Variants in RIF1 observed in about 807,000 individuals in gnomAD.
RIF1 encodes the protein replication timing regulatory factor 1.
In RIF1, 45 loss-of-function variants were observed where a neutral mutation model predicts 247.1. That is an observed-to-expected ratio of 0.18 (90% confidence interval 0.14 to 0.23). The LOEUF (loss-of-function observed/expected upper bound fraction) is 0.23. Among genes scored for constraint, RIF1 ranks in the 10% least tolerant of loss-of-function variants. The pLI is 1.00. For synonymous variants in RIF1, 1,087 were observed against 978.8 expected (o/e 1.11, Z -2.06); for missense variants, 2,967 against 2,862.5 (o/e 1.04, Z -0.83).
At chr2:151,452,725 G>A (rs1694529489) in intron 21 of RIF1, among the ~76,000 whole-genome samples, 1 of 152,180 alleles carries the variant, frequency 6.6e-6, no homozygotes, top group Non-Finnish European at 1.5e-5. Context: ...AAAATCATAA[G>A]TTTACCAAGA....
chr2:151,501,565 G>T (rs2064587586), intron 11 of RIF1: 1 of 694,942 alleles, frequency 1.4e-6, no homozygotes, highest in Non-Finnish European at 2.2e-6. Flanking sequence ...CAGCCTAAAA[G>T]AAGTATTTTT....
rs1691333265 is a variant in RIF1, at chr2:151,436,869, A to G, written c.1238A>G (p.Asn413Ser). The G allele has an allele frequency of 1.2e-6, 2 of 1,613,198 alleles. No homozygotes were observed. Among genetic ancestry groups the G allele is most frequent in the African/African-American group, 1.3e-5 (1 of 74,950 alleles). ...PYGAPGTPRM[N>S]LSSNLGGMAT... Reference sequence around the variant, plus strand: ...GGAGCCCCGGGAACTCCCCGAATGAACCTGAGTTCGAATTTAGGTGGAATG... The same window carrying G: ...GGAGCCCCGGGAACTCCCCGAATGAGCCTGAGTTCGAATTTAGGTGGAATG... The change falls in exon 12 of 36, where the codon AAC becomes AGC. Residue 413 changes from asparagine to serine, a missense_variant. Coordinates refer to ENST00000444746, the MANE Select transcript of RIF1 (RefSeq NM_018151.5).
chr2:151,427,575 T>C (rs1268714621), intron 8 of RIF1, among the ~76,000 whole-genome samples: 1 of 151,904 alleles, frequency 6.6e-6, no homozygotes, highest in Non-Finnish European at 1.5e-5. Flanking sequence ...TCTTTTTGTT[T>C]GATAGTATTC....
chr2:151,491,286 G>A (rs903207407), intron 9 of RIF1: 2 of 165,182 alleles, frequency 1.2e-5, no homozygotes, highest in African/African-American at 2.4e-5. Flanking sequence ...GAATGAAGTT[G>A]TGCAGCCTGC....
At chr2:151,444,559 A>G (rs1432999320) in intron 18 of RIF1, among the ~76,000 whole-genome samples, 2 of 152,132 alleles carry the variant, frequency 1.3e-5, no homozygotes, top group East Asian at 1.9e-4. Context: ...CAGCCTCCCA[A>G]AGTGCTGGGA....
intron 34 of RIF1, among the ~76,000 whole-genome samples, chr2:151,472,911 T>G (rs2048664849): frequency 2.0e-5 from 3 of 152,318 alleles, no homozygotes; most frequent in South Asian, 4.1e-4. Context: ...GGATTCCCTC[T>G]TTTTCTATTG....
chr2:151,474,582 G>A (rs1340461209), intron 35 of RIF1, among the ~76,000 whole-genome samples: 1 of 152,076 alleles, frequency 6.6e-6, no homozygotes, highest in Admixed American at 6.5e-5. Flanking sequence ...AGGCTGAGGC[G>A]GGAGAATGGC....
Position 151,464,636 on chromosome 2 carries a change from T to C in RIF1, c.5116T>C (p.Ser1706Pro), listed in dbSNP as rs1311245616. The C allele has an allele frequency of 3.1e-6, 5 of 1,613,504 alleles. No individual in the cohort carries two copies. The highest frequency in any genetic ancestry group is 1.3e-5 in the African/African-American group (1 of 74,932). ...ESSKIGISDI[S>P]SLSEKTFQTL... ...CTCAAAAATAGGGATATCAGATATT[T>C]CTTCGCTTTCAGAAAAAACTTTTCA... Residue 1706 changes from serine to proline, a missense_variant, in exon 30 of 36, where the codon TCT (serine) becomes CCT (proline). This residue lies in a region of RIF1 where 2,028 missense variants were observed against 1,825.6 expected (regional missense o/e 1.11). Coordinates refer to ENST00000444746, the MANE Select transcript of RIF1 (RefSeq NM_018151.5).
At chr2:151,467,455 C>G (rs1168112425) in intron 30 of RIF1, among the ~76,000 whole-genome samples, 1 of 151,996 alleles carries the variant, frequency 6.6e-6, no homozygotes, top group African/African-American at 2.4e-5. Flanking sequence ...AGCGATTCTC[C>G]TGCCTCAGCC....
chr2:151,493,962 T>C lies in RIF1; in HGVS notation c.*416-1267T>C, dbSNP rs1279724103. Reference sequence around the variant, plus strand: ...GGGGGGAAATGTTATGTTTAATCTATTACTATTAGTGAGAACACCTCTCAA... The same window carrying C: ...GGGGGGAAATGTTATGTTTAATCTACTACTATTAGTGAGAACACCTCTCAA... On this transcript the variant is annotated intron_variant and NMD_transcript_variant, in intron 9 of 13. Transcript: ENST00000454583. 8.4e-6 allele frequency: 8 copies of C among 949,242 alleles called. No homozygotes were observed. In the African/African-American group the frequency reaches 1.3e-4, roughly 16 times the overall value. The allele number at this position is 949,242 out of a possible 1,614,324, so 58.8% of individuals were successfully genotyped here.
chr2:151,445,358 T>C lies in RIF1; in HGVS notation c.2007T>C (p.Gly669=). The stretch of plus-strand genomic sequence containing the variant: ...TTTAGACCAATGAAGTAAATCAAGG[T>C]GATGCCTTAGAACATAATTTTAGTG... ...LINQTNEVNQ[G]DALEHNFSAI... Residue 669 remains glycine, a synonymous_variant, in exon 19 of 36, where the codon GGT becomes GGC. Coordinates refer to ENST00000444746, the MANE Select transcript of RIF1 (RefSeq NM_018151.5). The C allele has an allele frequency of 6.3e-7, 1 of 1,599,364 alleles. No individual in the cohort carries two copies. The highest frequency in any genetic ancestry group is 8.6e-7 in the Non-Finnish European group (1 of 1,166,588).
intron 11 of RIF1, 75 bp downstream of exon 11, chr2:151,435,655 G>GA (rs34105266): frequency 6.5e-4 from 448 of 688,066 alleles, no homozygotes; most frequent in African/African-American, 9.7e-4. Flanking sequence ...TTTGAAGTAG[G>GA]AAAAAAAAAG....
intron 21 of RIF1, among the ~76,000 whole-genome samples, chr2:151,454,502 TA>T (rs1371498837): frequency 3.9e-5 from 6 of 152,208 alleles, no homozygotes; most frequent in African/African-American, 9.6e-5. Flanking sequence ...TTTTTGTTTT[TA>T]AAACTAACTT....
the RIF1 span, among the ~76,000 whole-genome samples, chr2:151,534,046 C>T: frequency 2.0e-5 from 3 of 152,198 alleles, no homozygotes; most frequent in African/African-American, 7.2e-5. Context: ...TGGACTGGCA[C>T]ACTCAAATAG....
intron 1 of RIF1, 188 bp from the exon 2 acceptor site, chr2:151,410,226 G>C (rs1435332319): frequency 6.3e-6 from 4 of 631,612 alleles, no homozygotes; most frequent in Non-Finnish European, 1.1e-5. Context: ...GTGGGCTCAG[G>C]TGTCTGGTGT....
At position 151,427,503 on chromosome 2, in the gene RIF1, G is replaced by T. The variant is rs541777791; in HGVS notation, c.787-1281G>T. Among the ~76,000 whole-genome samples the T allele has an allele frequency of 5.0e-4, 75 of 149,882 alleles. No individual in the cohort carries two copies. The South Asian group carries it at 5.1e-3, about 10-fold the overall frequency. On this transcript the variant is annotated intron_variant, in intron 8 of 35. Coordinates refer to ENST00000444746, the MANE Select transcript of RIF1 (RefSeq NM_018151.5). Reference sequence around the variant, plus strand: ...TGGGATTGCAGGTGTGAGCCACCGTGCCTGGCCTATTTTTTTTTTTAATTT... The same window carrying T: ...TGGGATTGCAGGTGTGAGCCACCGTTCCTGGCCTATTTTTTTTTTTAATTT...
At chr2:151,461,061 T>TAG in intron 26 of RIF1, 77 bp from the exon 27 acceptor site, 1 of 1,319,140 alleles carries the variant, frequency 7.6e-7, no homozygotes, top group Non-Finnish European at 1.1e-6. Flanking sequence ...GTGTCATTAT[T>TAG]AGAGGAGAGT....
At chr2:151,460,458 G>T (rs1279506545) in intron 26 of RIF1, among the ~76,000 whole-genome samples, 1 of 152,108 alleles carries the variant, frequency 6.6e-6, no homozygotes, top group Admixed American at 6.5e-5. Context: ...TTTTGTTTAG[G>T]ATTATTGTTA....
chr2:151,430,379 T>C (rs1689869494), intron 9 of RIF1, among the ~76,000 whole-genome samples: 1 of 151,934 alleles, frequency 6.6e-6, no homozygotes, highest in Non-Finnish European at 1.5e-5. Flanking sequence ...TGGAGTGCAG[T>C]GGCGTGATCT....
Sources: gnomAD v4.1 joint callset for allele counts (sites outside exome capture counted in the v4.1 genomes callset) on GRCh38, gnomAD v4.1.1 for gene constraint, gnomAD v4.1.1 regional missense constraint, MANE v1.5 for transcripts, NCBI Gene and HGNC (gene_info 2026-07-23, HGNC 2026-07-21) for gene names.